The following GLCCI1 variants were observed in gnomAD, a reference collection of about 807,000 sequenced individuals.
GLCCI1 encodes glucocorticoid-induced transcript 1 protein.
GLCCI1 carries 24 observed loss-of-function variants against 52.2 expected under a neutral mutation model. That is an observed-to-expected ratio of 0.46 (90% CI 0.33 to 0.65). The LOEUF (loss-of-function observed/expected upper bound fraction) is 0.65, where lower values mean the gene tolerates loss of function less well. Ranked by LOEUF, GLCCI1 falls within the 30% of genes least tolerant of loss-of-function variation. The probability of loss-of-function intolerance (pLI) is 0.02; values close to 1 mark genes in which losing one functional copy is unlikely to be tolerated. For missense variants in GLCCI1, 704 were observed against 701.5 expected, an observed-to-expected ratio of 1.00 and a Z score of -0.04; for synonymous variants, 310 against 276.5, an observed-to-expected ratio of 1.12 and a Z score of -1.20.
chr7:8,032,246 T>C (rs1781769632), intron 3 of GLCCI1, among the ~76,000 whole-genome samples: 1 of 152,090 alleles, frequency 6.6e-6, no homozygotes, highest in Non-Finnish European at 1.5e-5. Flanking sequence ...TTAGAATTTA[T>C]GTATGCAGCT....
chr7:7,975,078 G>C (rs975923253), intron 1 of GLCCI1, among the ~76,000 whole-genome samples: 1 of 152,166 alleles, frequency 6.6e-6, no homozygotes, highest in Non-Finnish European at 1.5e-5. Flanking sequence ...ATGGAAGGCA[G>C]ATACTACCTG....
chr7:8,005,095 T>C (rs184282957), intron 2 of GLCCI1, among the ~76,000 whole-genome samples: 114 of 152,278 alleles, frequency 7.5e-4, no homozygotes, highest in African/African-American at 2.7e-3. Context: ...AAGTTTAATA[T>C]GGCAGGCAGT....
intron 1 of GLCCI1, among the ~76,000 whole-genome samples, chr7:7,978,597 T>A (rs959612053): frequency 6.6e-6 from 1 of 152,174 alleles, no homozygotes; most frequent in Non-Finnish European, 1.5e-5. Flanking sequence ...ACGATTTTCT[T>A]TTATAAGTAA....
chr7:8,065,182 T>C (rs1782605382), intron 5 of GLCCI1, among the ~76,000 whole-genome samples: 2 of 152,280 alleles, frequency 1.3e-5, no homozygotes, highest in South Asian at 2.1e-4. Flanking sequence ...GTGAATGTGA[T>C]TGTGTTCTGT....
intron 6 of GLCCI1, among the ~76,000 whole-genome samples, chr7:8,077,302 C>G (rs10952084): frequency 1.3e-5 from 2 of 152,074 alleles, no homozygotes; most frequent in African/African-American, 4.8e-5. Flanking sequence ...TACACTATCT[C>G]CTTGTGACAC....
At chr7:8,071,206 C>A in intron 6 of GLCCI1, 75 bp downstream of exon 6, 2 of 884,442 alleles carry the variant, frequency 2.3e-6, no homozygotes, top group Non-Finnish European at 1.6e-6. Context: ...ACCATTACAT[C>A]TTTTTTTTTT....
intron 6 of GLCCI1, among the ~76,000 whole-genome samples, chr7:8,080,145 A>G (rs1015632845): frequency 2.0e-5 from 3 of 151,568 alleles, no homozygotes; most frequent in Non-Finnish European, 4.4e-5. Flanking sequence ...ATGATACACA[A>G]TTGTGTGTTT....
At chr7:8,044,972 A>G (rs530180413) in intron 3 of GLCCI1, among the ~76,000 whole-genome samples, 1 of 152,322 alleles carries the variant, frequency 6.6e-6, no homozygotes, top group Admixed American at 6.5e-5. Flanking sequence ...TATGACTTTA[A>G]AGGAAATGAT....
intron 1 of GLCCI1, among the ~76,000 whole-genome samples, chr7:7,999,563 C>G (rs144922462): frequency 1.3e-5 from 2 of 150,880 alleles, no homozygotes; most frequent in Non-Finnish European, 3.0e-5. Flanking sequence ...GCTACGATCA[C>G]GCCGGTACAC....
At chr7:7,975,454 T>G (rs990710126) in intron 1 of GLCCI1, among the ~76,000 whole-genome samples, 6 of 152,330 alleles carry the variant, frequency 3.9e-5, no homozygotes, top group African/African-American at 1.4e-4. Flanking sequence ...ATGTATACTT[T>G]GATTCAGCAA....
At chr7:8,048,927 C>G (rs767777221) in intron 3 of GLCCI1, among the ~76,000 whole-genome samples, 6 of 152,130 alleles carry the variant, frequency 3.9e-5, no homozygotes, top group Non-Finnish European at 8.8e-5. Flanking sequence ...GCACATTTAC[C>G]CTTTGTCCCA....
At chr7:8,011,127 CA>C (rs764722363) in intron 2 of GLCCI1, among the ~76,000 whole-genome samples, 200 of 148,862 alleles carry the variant, frequency 1.3e-3, no homozygotes, top group African/African-American at 4.7e-3. Flanking sequence ...TCCTCCCACA[CA>C]AAAAAAAATA....
intron 2 of GLCCI1, among the ~76,000 whole-genome samples, chr7:8,016,057 T>G (rs1252049062): frequency 6.6e-6 from 1 of 152,222 alleles, no homozygotes; most frequent in Non-Finnish European, 1.5e-5. Flanking sequence ...GTACATTGAC[T>G]TATACATTGG....
chr7:7,993,640 C>G (rs1188113385), intron 1 of GLCCI1, among the ~76,000 whole-genome samples: 1 of 152,156 alleles, frequency 6.6e-6, no homozygotes, highest in Non-Finnish European at 1.5e-5. Flanking sequence ...TTTGCTGTCT[C>G]TCACACAGAT....
intron 1 of GLCCI1, among the ~76,000 whole-genome samples, chr7:7,992,703 C>T (rs573289086): frequency 6.6e-6 from 1 of 152,212 alleles, no homozygotes; most frequent in East Asian, 1.9e-4. Context: ...CTGTTACACA[C>T]ACATGTTGGA....
intron 2 of GLCCI1, among the ~76,000 whole-genome samples, chr7:8,012,432 C>CTTTTTTTATTTTTTTTT (rs1781283030): frequency 1.4e-5 from 1 of 70,396 alleles, no homozygotes; most frequent in South Asian, 6.5e-4. Context: ...CCTTTTTATT[C>CTTTTTTTATTTTTTTTT]TTTTTTTTTT....
chr7:8,077,862 G>T (rs1782906594), intron 6 of GLCCI1, among the ~76,000 whole-genome samples: 1 of 152,182 alleles, frequency 6.6e-6, no homozygotes, highest in South Asian at 2.1e-4. Flanking sequence ...GGTGTGTACA[G>T]AACAGTAAGA....
chr7:8,027,266 T>C (rs1008245039), intron 3 of GLCCI1, among the ~76,000 whole-genome samples: 5 of 152,340 alleles, frequency 3.3e-5, no homozygotes, highest in East Asian at 1.9e-4. Flanking sequence ...GGCGGGCAGA[T>C]CCCTTGAGGT....
intron 3 of GLCCI1, among the ~76,000 whole-genome samples, chr7:8,024,334 A>C (rs1008038355): frequency 6.6e-6 from 1 of 152,050 alleles, no homozygotes; most frequent in African/African-American, 2.4e-5. Flanking sequence ...ACATGTATGC[A>C]AAAAAAATCA....
Sources: allele counts gnomAD v4.1 joint callset (sites outside exome capture counted in the v4.1 genomes callset), GRCh38; gene constraint gnomAD v4.1.1; transcripts MANE v1.5; gene names NCBI Gene and HGNC (gene_info 2026-07-23, HGNC 2026-07-21).